SYT12: variants seen among roughly 807,000 people sequenced by gnomAD.
SYT12 encodes the protein synaptotagmin 12.
SYT12 carries 27 observed loss-of-function variants against 39.5 expected under a neutral mutation model. The observed-to-expected ratio is 0.68, with a 90% CI of 0.50 to 0.94. The LOEUF is 0.94. Ranked by LOEUF, SYT12 falls within the 40% of genes least tolerant of loss-of-function variation. The pLI, the probability that SYT12 is intolerant of heterozygous loss-of-function variation, is 0.00. For synonymous variants in SYT12, 233 were observed against 239.7 expected (o/e 0.97, Z 0.26); for missense variants, 536 against 572.6 (o/e 0.94, Z 0.65).
intron 4 of SYT12, among the ~76,000 whole-genome samples, chr11:67,040,434 G>A (rs572538640): frequency 1.7e-4 from 26 of 152,306 alleles, no homozygotes; most frequent in African/African-American, 5.3e-4. Flanking sequence ...GGTCCCACCA[G>A]GTGAATACAG....
rs576917260 is a variant in SYT12, at chr11:67,023,254, G to C, written c.-230G>C. The C allele has an allele frequency of 1.5e-3, 224 of 150,542 alleles. No homozygotes were observed. Among genetic ancestry groups the C allele is most frequent in the African/African-American group, 5.2e-3 (214 of 41,350 alleles). The allele number at this position is 150,542 out of a possible 1,614,324, so 9.3% of individuals were successfully genotyped here. A position where few individuals can be genotyped will look rare whatever the true frequency, so the allele number is the denominator to read the frequency against. ...GCGCGCGGCGGGCTCCTGGGAGCGTGCCCGGACTGCGGCGCAGCTCCGGTC... is the reference window on the plus strand; with the variant it reads ...GCGCGCGGCGGGCTCCTGGGAGCGTCCCCGGACTGCGGCGCAGCTCCGGTC... On this transcript the variant is annotated 5_prime_UTR_variant, in exon 1 of 8. Coordinates refer to ENST00000527043, the MANE Select transcript of SYT12 (RefSeq NM_177963.4).
intron 3 of SYT12, among the ~76,000 whole-genome samples, chr11:67,036,890 A>G (rs1377422419): frequency 3.3e-5 from 5 of 152,160 alleles, no homozygotes; most frequent in Non-Finnish European, 7.4e-5. Flanking sequence ...CCTGCCCAAC[A>G]TGGAGAAACC....
At chr11:67,008,094 G>A (rs1478405203) in intron 1 of SYT12, among the ~76,000 whole-genome samples, 1 of 150,086 alleles carries the variant, frequency 6.7e-6, no homozygotes, top group African/African-American at 2.5e-5. Flanking sequence ...GCTGGGACTA[G>A]AGGCGCGTGC....
At chr11:67,016,930 T>C (rs1028125717) in intron 3 of SYT12, among the ~76,000 whole-genome samples, 73 of 152,292 alleles carry the variant, frequency 4.8e-4, no homozygotes, top group Non-Finnish European at 1.2e-4. Flanking sequence ...TTACATGAGG[T>C]CGTAAATAAG....
At chr11:67,018,496 G>C (rs1387035654), upstream of SYT12, among the ~76,000 whole-genome samples, 3 of 151,986 alleles carry the variant, frequency 2.0e-5, no homozygotes, top group African/African-American at 7.2e-5. Flanking sequence ...CCACATTTCA[G>C]CCTGGGTGAC....
intron 3 of SYT12, among the ~76,000 whole-genome samples, chr11:67,037,296 C>CTAT (rs1435311867): frequency 1.3e-5 from 2 of 152,034 alleles, no homozygotes; most frequent in Non-Finnish European, 2.9e-5. Context: ...TTTAAGAAGG[C>CTAT]TATTCAGTAC....
At chr11:67,029,039 G>C (rs1445085594) in intron 1 of SYT12, 1 of 152,250 alleles carries the variant, frequency 6.6e-6, no homozygotes, top group African/African-American at 2.4e-5. Context: ...CCTGAGATCA[G>C]TGCAGCCCAT....
At chr11:67,020,265 G>A (rs553354613), upstream of SYT12, among the ~76,000 whole-genome samples, 9 of 152,118 alleles carry the variant, frequency 5.9e-5, no homozygotes, top group Non-Finnish European at 1.0e-4. Flanking sequence ...TCCCTGAGGC[G>A]GAGAATGGCT....
At chr11:67,031,565 G>C (rs1950268234) in intron 2 of SYT12, 1 of 152,190 alleles carries the variant, frequency 6.6e-6, no homozygotes, top group African/African-American at 2.4e-5. Flanking sequence ...GCTTCATAAG[G>C]GGAGCTATTC....
chr11:67,041,649 A>G (rs2136227776), intron 4 of SYT12, among the ~76,000 whole-genome samples: 1 of 152,256 alleles, frequency 6.6e-6, no homozygotes, highest in African/African-American at 2.4e-5. Context: ...ACTGGGCCCA[A>G]AAGGATAGAG....
chr11:67,048,885 C>CA lies in SYT12; in HGVS notation c.*128_*129insA. 2 of 1,094,744 alleles carry CA rather than the reference C, an allele frequency of 1.8e-6. No homozygotes were observed. Among genetic ancestry groups the CA allele is most frequent in the Admixed American group, 2.3e-5 (1 of 43,966 alleles). 67.8% of individuals were successfully genotyped at this position (1,094,744 alleles called of 1,614,324 possible). A position where few individuals can be genotyped will look rare whatever the true frequency, so the allele number is the denominator to read the frequency against. On this transcript the variant is annotated 3_prime_UTR_variant, in exon 8 of 8. Coordinates refer to ENST00000527043, the MANE Select transcript of SYT12 (RefSeq NM_177963.4). Reference sequence around the variant, plus strand: ...GGGTCCCCTGGCAGAGTCCTCATGACCCATCCTGGTCTCTCTGTCCAGATT... The same window carrying CA: ...GGGTCCCCTGGCAGAGTCCTCATGACACCATCCTGGTCTCTCTGTCCAGATT...
Position 67,034,788 on chromosome 11 carries a change from A to G in SYT12, c.178A>G (p.Arg60Gly), listed in dbSNP as rs766149410. ...SPSPFPNYDY[R>G]YLQQKYGESC... ...CTCTCCGTTCCCCAATTACGACTAC[A>G]GGTACCTTCAGCAGAAGTACGGCGA... The change falls in exon 3 of 8, where the codon AGG becomes GGG. Residue 60 changes from arginine to glycine, a missense_variant. Transcript: ENST00000527043. 8.8e-6 allele frequency: 14 copies of G among 1,594,162 alleles called. No individual in the cohort carries two copies. The highest frequency in any genetic ancestry group is 1.2e-5 in the Non-Finnish European group (14 of 1,172,864).
At chr11:67,043,365 T>TC (rs1331073652) in intron 4 of SYT12, among the ~76,000 whole-genome samples, 4 of 151,936 alleles carry the variant, frequency 2.6e-5, no homozygotes, top group African/African-American at 9.7e-5. Flanking sequence ...ATCTTGAGGG[T>TC]TCTGGGGTGC....
intron 3 of SYT12, among the ~76,000 whole-genome samples, chr11:67,013,692 C>G (rs1247802325): frequency 6.6e-6 from 1 of 152,360 alleles, no homozygotes; most frequent in Non-Finnish European, 1.5e-5. Flanking sequence ...GTGTGGCCCC[C>G]GGCGCAGGGC....
intron 7 of SYT12, among the ~76,000 whole-genome samples, chr11:67,048,181 G>A (rs906952826): frequency 2.0e-5 from 3 of 150,526 alleles, no homozygotes; most frequent in African/African-American, 7.3e-5. Context: ...TGAAGCAGGA[G>A]AATTGCTTGA....
chr11:67,029,216 C>G (rs1302583813), intron 1 of SYT12: 2 of 152,292 alleles, frequency 1.3e-5, no homozygotes, highest in Non-Finnish European at 2.9e-5. Flanking sequence ...CTCAGTCATT[C>G]CTAAAAGCTG....
chr11:67,018,274 A>AT (rs1018627374), upstream of SYT12, among the ~76,000 whole-genome samples: 24 of 149,836 alleles, frequency 1.6e-4, no homozygotes, highest in Non-Finnish European at 2.4e-4. Flanking sequence ...AAAAAAAAAA[A>AT]TTTTTTTTTT....
Position 67,034,762 on chromosome 11 carries a change from CCT to C in SYT12, c.156_157del (p.Pro53ValfsTer48), listed in dbSNP as rs757115747. 7 of 1,602,686 alleles carry C rather than the reference CCT, an allele frequency of 4.4e-6. No individual in the cohort carries two copies. The South Asian group carries it at 6.7e-5, about 15-fold the overall frequency. On this transcript the variant is annotated frameshift_variant, in exon 3 of 8. Coordinates refer to ENST00000527043, the MANE Select transcript of SYT12 (RefSeq NM_177963.4). LOFTEE classifies it high-confidence loss of function. ...TGGACGTCGGGGAGCTTCCCCAGCC[CCT>C]CTCCGTTCCCCAATTACGACTACAG...
chr11:67,042,808 G>A (rs1004408382), intron 4 of SYT12, among the ~76,000 whole-genome samples: 2 of 152,174 alleles, frequency 1.3e-5, no homozygotes, highest in Admixed American at 6.5e-5. Flanking sequence ...TGTAGGGAAC[G>A]TGAGCACTGT....
Sources: allele counts gnomAD v4.1 joint callset (sites outside exome capture counted in the v4.1 genomes callset), GRCh38; gene constraint gnomAD v4.1.1; transcripts MANE v1.5; gene names NCBI Gene and HGNC (gene_info 2026-07-23, HGNC 2026-07-21).